Variants in NUP210 observed in about 807,000 individuals in gnomAD.
The protein encoded by NUP210 is nucleoporin 210.
A neutral mutation model predicts 196.0 loss-of-function variants in NUP210; 151 were observed. The observed-to-expected ratio is 0.77, with a 90% CI of 0.67 to 0.88. The LOEUF (loss-of-function observed/expected upper bound fraction) is 0.88, where lower values mean the gene tolerates loss of function less well. NUP210 is among the 40% of genes least tolerant of loss of function. The pLI is 0.00. For missense variants in NUP210, 2,314 were observed against 2,493.7 expected (o/e 0.93, Z 1.53); for synonymous variants, 1,070 against 1,052.7 (o/e 1.02, Z -0.32).
In NUP210 at chr3:13,377,500, T is replaced by C. The variant is rs138867260; in HGVS notation, c.1108A>G (p.Ile370Val). ...LETGRLYEITIEVFDKFSNKV... is the reference protein window; with the variant it reads ...LETGRLYEITVEVFDKFSNKV... ...TTGCTGAACTTGTCAAAAACTTCGA[T>C]GGTGATTTCATACAGGCGGCCGGTC... Residue 370 changes from isoleucine to valine, a missense_variant, in exon 9 of 40, where the codon ATC (isoleucine) becomes GTC (valine). Coordinates refer to ENST00000254508, the MANE Select transcript of NUP210 (RefSeq NM_024923.4). 5.0e-6 allele frequency: 8 copies of C among 1,613,752 alleles called. No homozygotes were observed. Among genetic ancestry groups the C allele is most frequent in the African/African-American group, 2.7e-5 (2 of 74,992 alleles).
chr3:13,392,222 C>T lies in NUP210; in HGVS notation c.437-915G>A, dbSNP rs1192187685. Among the ~76,000 whole-genome samples the T allele has an allele frequency of 2.0e-5, 3 of 152,194 alleles. 1 individual carries two copies. Among genetic ancestry groups the T allele is most frequent in the Non-Finnish European group, 4.4e-5 (3 of 68,030 alleles). ...CCTGGGGTCCTGCTTCTCTTCACCC[C>T]GATCCCTGGCCCTGCAAGGTCTCAA... is the stretch of plus-strand genomic sequence containing the variant. On this transcript the variant is annotated intron_variant, in intron 3 of 39. Transcript: ENST00000254508.
chr3:13,386,926 G>A (rs576614128), intron 5 of NUP210, among the ~76,000 whole-genome samples: 4 of 152,268 alleles, frequency 2.6e-5, no homozygotes, highest in East Asian at 1.9e-4. Flanking sequence ...GGGCAACTTC[G>A]CAATGGGAGA....
intron 10 of NUP210, among the ~76,000 whole-genome samples, 166 bp from the exon 11 acceptor site, chr3:13,375,807 C>G (rs74820310): frequency 6.6e-6 from 1 of 152,176 alleles, no homozygotes; most frequent in African/African-American, 2.4e-5. Flanking sequence ...TCTTTCTCCA[C>G]GGGGATGGCT....
intron 1 of NUP210, among the ~76,000 whole-genome samples, chr3:13,410,769 T>C (rs1700147551): frequency 7.0e-6 from 1 of 142,122 alleles, no homozygotes; most frequent in African/African-American, 2.8e-5. Flanking sequence ...ATACAAAAAA[T>C]TAGCCGGGCG....
At chr3:13,368,868 T>G (rs1033588359) in intron 13 of NUP210, among the ~76,000 whole-genome samples, 1 of 152,238 alleles carries the variant, frequency 6.6e-6, no homozygotes, top group Admixed American at 6.5e-5. Context: ...TTTTGGCTAT[T>G]GTGAATAACA....
At chr3:13,403,524 T>C (rs1269174586) in intron 1 of NUP210, among the ~76,000 whole-genome samples, 1 of 152,158 alleles carries the variant, frequency 6.6e-6, no homozygotes, top group Non-Finnish European at 1.5e-5. Context: ...TGTCAACACA[T>C]GAGTCTGAGG....
At chr3:13,394,907 G>A (rs1170023385) in intron 3 of NUP210, among the ~76,000 whole-genome samples, 2 of 152,196 alleles carry the variant, frequency 1.3e-5, no homozygotes, top group African/African-American at 4.8e-5. Context: ...AAATGATGAA[G>A]GTACTCATCA....
At chr3:13,343,803 G>A (rs1016027774) in intron 20 of NUP210, among the ~76,000 whole-genome samples, 1 of 152,158 alleles carries the variant, frequency 6.6e-6, no homozygotes, top group African/African-American at 2.4e-5. Flanking sequence ...CAGAAAACGA[G>A]GCAGATGCTT....
At chr3:13,399,135 G>A (rs555858900) in intron 2 of NUP210, among the ~76,000 whole-genome samples, 9 of 151,880 alleles carry the variant, frequency 5.9e-5, no homozygotes, top group Admixed American at 3.3e-4. Flanking sequence ...GTGTGGTGGC[G>A]CATGCCTGTA....
intron 18 of NUP210, among the ~76,000 whole-genome samples, chr3:13,352,922 T>C (rs755664704): frequency 4.3e-4 from 59 of 136,046 alleles, no homozygotes; most frequent in Non-Finnish European, 7.7e-4. Context: ...GACTCAGCTA[T>C]GGGGGGTGGG....
chr3:13,385,446 C>T (rs1649388319), intron 6 of NUP210, among the ~76,000 whole-genome samples: 1 of 152,194 alleles, frequency 6.6e-6, no homozygotes, highest in Non-Finnish European at 1.5e-5. Context: ...GGAGGACTGG[C>T]GCTCCATTGA....
chr3:13,336,020 T>C (rs1697201074), intron 27 of NUP210, among the ~76,000 whole-genome samples: 1 of 152,264 alleles, frequency 6.6e-6, no homozygotes. Flanking sequence ...TCACTGTTTG[T>C]GTTCCATGGG....
Position 13,379,041 on chromosome 3 carries a change from T to G in NUP210, c.977-61A>C, listed in dbSNP as rs950037723. The stretch of plus-strand genomic sequence containing the variant: ...CAAATAAACCAGCTGGCTGGCCAGT[T>G]TCAGCTTGGCTCAGAATCCTGATCA... On this transcript the variant is annotated intron_variant, in intron 7 of 39. Transcript: ENST00000254508. The surrounding 1 kb of genome is among the most constrained non-coding windows in gnomAD (Gnocchi z 4.2). 7.1e-7 allele frequency: 1 copy of G among 1,405,264 alleles called. No homozygotes were observed. The highest frequency in any genetic ancestry group is 1.4e-5 in the African/African-American group (1 of 70,750). The allele number at this position is 1,405,264 out of a possible 1,614,324, so 87.0% of individuals were successfully genotyped here. A position where few individuals can be genotyped will look rare whatever the true frequency, so the allele number is the denominator to read the frequency against.
At chr3:13,400,422 C>T (rs912929698) in intron 1 of NUP210, among the ~76,000 whole-genome samples, 1 of 152,180 alleles carries the variant, frequency 6.6e-6, no homozygotes, top group Non-Finnish European at 1.5e-5. Flanking sequence ...AGTGGGGAGA[C>T]AGACAGATAA....
chr3:13,349,751 C>T (rs1221552915), intron 20 of NUP210, among the ~76,000 whole-genome samples: 1 of 152,190 alleles, frequency 6.6e-6, no homozygotes, highest in Admixed American at 6.5e-5. Flanking sequence ...CGGAGAAGTC[C>T]AAGCCTAAGC....
chr3:13,357,063 T>G (rs1362475028), intron 16 of NUP210, among the ~76,000 whole-genome samples: 1 of 152,200 alleles, frequency 6.6e-6, no homozygotes. Flanking sequence ...GAGGACCTGC[T>G]CTCCAGTTCA....
At chr3:13,319,665 C>T (rs1013138795) in intron 37 of NUP210, 98 bp downstream of exon 37, 3 of 1,012,510 alleles carry the variant, frequency 3.0e-6, no homozygotes, top group Non-Finnish European at 4.5e-6. Context: ...CTGACTCCTC[C>T]ATTTCTTACA....
chr3:13,377,380 G>T, intron 9 of NUP210, 76 bp downstream of exon 9: 2 of 1,038,930 alleles, frequency 1.9e-6, no homozygotes, highest in South Asian at 1.3e-5. Flanking sequence ...TGTTGCTTTG[G>T]GGGCTGCTCT....
At position 13,366,046 on chromosome 3, in the gene NUP210, T is replaced by G. The variant is rs2078579884; in HGVS notation, c.1832A>C (p.Lys611Thr). Residue 611 changes from lysine to threonine, a missense_variant, in exon 14 of 40, where the codon AAG becomes ACG. Transcript: ENST00000254508. The part of the protein sequence containing the change: ...GSEHCSGIRV[K>T]AEAQGSTTLL... Reference sequence around the variant, plus strand: ...CGTGGTAGAGCCCTGGGCCTCGGCCTTTACCCGGATGCCGCTGCAGTGCTC... The same window carrying G: ...CGTGGTAGAGCCCTGGGCCTCGGCCGTTACCCGGATGCCGCTGCAGTGCTC... 1.2e-6 allele frequency: 2 copies of G among 1,614,042 alleles called. No homozygotes were observed. Among genetic ancestry groups the G allele is most frequent in the Non-Finnish European group, 1.7e-6 (2 of 1,179,996 alleles).
Sources: allele counts gnomAD v4.1 joint callset (sites outside exome capture counted in the v4.1 genomes callset), GRCh38; gene constraint gnomAD v4.1.1; non-coding constraint Gnocchi (gnomAD v3.1); transcripts MANE v1.5; gene names NCBI Gene and HGNC (gene_info 2026-07-23, HGNC 2026-07-21).